The following ARAP2 variants were observed in gnomAD, a reference collection of about 807,000 sequenced individuals.
ARAP2 encodes the protein arf-GAP with Rho-GAP domain, ANK repeat and PH domain-containing protein 2.
ARAP2 carries 148 observed loss-of-function variants against 194.5 expected under a neutral mutation model. That is an observed-to-expected ratio of 0.76 (90% CI 0.67 to 0.87). The LOEUF is 0.87. ARAP2 is among the 40% of genes least tolerant of loss of function. ARAP2 has a pLI of 0.00. For synonymous variants in ARAP2, 695 were observed against 683.5 expected (o/e 1.02, Z -0.26); for missense variants, 2,128 against 1,989.7 (o/e 1.07, Z -1.32).
intron 4 of ARAP2, 77 bp from the exon 5 acceptor site, chr4:36,212,564 A>C (rs1746997502): frequency 1.1e-6 from 1 of 900,716 alleles, no homozygotes; most frequent in South Asian, 1.6e-5. Context: ...ATGTGTAGCA[A>C]TATTCTACAA....
chr4:36,163,635 C>T (rs56969582), intron 11 of ARAP2, among the ~76,000 whole-genome samples: 111 of 152,108 alleles, frequency 7.3e-4, no homozygotes, highest in African/African-American at 2.5e-3. Context: ...TTTTAGAAAT[C>T]CTGATGGTGG....
Position 36,140,136 on chromosome 4 carries a change from CA to C in ARAP2, c.3264-6748del, listed in dbSNP as rs1560513956. Among the ~76,000 whole-genome samples the C allele has an allele frequency of 9.3e-3, 579 of 62,530 alleles. 2 individuals carry two copies. The highest frequency in any genetic ancestry group is 0.024 in the African/African-American group (551 of 22,894). The allele number at this position is 62,530 out of a possible 152,430, so 41.0% of individuals were successfully genotyped here. A position where few individuals can be genotyped will look rare whatever the true frequency, so the allele number is the denominator to read the frequency against. ...TTTTCTTTAAAAAACAAAACAAAAA[CA>C]ATACACACACACACACACACACACA... On this transcript the variant is annotated intron_variant, in intron 19 of 32. Coordinates refer to ENST00000303965, the MANE Select transcript of ARAP2 (RefSeq NM_015230.4).
At chr4:36,242,101 G>A (rs1753631377) in intron 1 of ARAP2, among the ~76,000 whole-genome samples, 1 of 152,136 alleles carries the variant, frequency 6.6e-6, no homozygotes, top group South Asian at 2.1e-4. Context: ...ATACTTACAA[G>A]TAATAACTAA....
intron 27 of ARAP2, among the ~76,000 whole-genome samples, chr4:36,095,901 C>T (rs1715037465): frequency 6.6e-6 from 1 of 152,096 alleles, no homozygotes; most frequent in South Asian, 2.1e-4. Flanking sequence ...GTAATGACAC[C>T]TATCCGGAAG....
At chr4:36,081,152 C>T (rs935702128) in intron 30 of ARAP2, among the ~76,000 whole-genome samples, 18 of 152,098 alleles carry the variant, frequency 1.2e-4, no homozygotes, top group Non-Finnish European at 2.2e-4. Context: ...TTACCATGTC[C>T]AGGCCACAAA....
intron 19 of ARAP2, among the ~76,000 whole-genome samples, chr4:36,141,930 T>C (rs1001109575): frequency 4.6e-5 from 7 of 151,672 alleles, no homozygotes; most frequent in Admixed American, 2.6e-4. Context: ...AAAGGGCTAA[T>C]AGATCAAAAG....
intron 15 of ARAP2, among the ~76,000 whole-genome samples, chr4:36,151,843 G>T (rs1444125522): frequency 6.7e-6 from 1 of 150,114 alleles, no homozygotes; most frequent in Non-Finnish European, 1.5e-5. Context: ...CACATACTCA[G>T]AAAGAAAAAT....
intron 11 of ARAP2, among the ~76,000 whole-genome samples, chr4:36,161,861 C>A (rs913912849): frequency 4.7e-5 from 7 of 149,110 alleles, no homozygotes; most frequent in Admixed American, 1.3e-4. Context: ...GTAATCCCAG[C>A]ACTTTGGAAG....
intron 6 of ARAP2, 23 bp downstream of exon 6, chr4:36,210,367 G>A: frequency 1.3e-6 from 2 of 1,545,178 alleles, no homozygotes; most frequent in South Asian, 2.5e-5. Flanking sequence ...TGCCACTTAT[G>A]AAATAAATGC....
chr4:36,131,279 C>T (rs917697288), intron 20 of ARAP2, among the ~76,000 whole-genome samples: 1 of 150,692 alleles, frequency 6.6e-6, no homozygotes, highest in African/African-American at 2.4e-5. Context: ...TATAGTAGTG[C>T]CCAATATGTG....
At chr4:36,036,872 A>G (rs1720021098) in intron 5 of ARAP2, among the ~76,000 whole-genome samples, 1 of 152,268 alleles carries the variant, frequency 6.6e-6, no homozygotes, top group Non-Finnish European at 1.5e-5. Flanking sequence ...ACTCTTTGTA[A>G]TGATCTAAAA....
chr4:36,081,151 C>T (rs1211622076), intron 30 of ARAP2, among the ~76,000 whole-genome samples: 1 of 152,080 alleles, frequency 6.6e-6, no homozygotes, highest in Non-Finnish European at 1.5e-5. Context: ...ATTACCATGT[C>T]CAGGCCACAA....
intron 27 of ARAP2, among the ~76,000 whole-genome samples, chr4:36,102,879 T>C (rs775742853): frequency 5.3e-5 from 8 of 151,870 alleles, no homozygotes; most frequent in Non-Finnish European, 1.0e-4. Flanking sequence ...TTAGAAAATG[T>C]CAGGAAATTG....
At chr4:36,025,796 A>C (rs1717802700) in intron 5 of ARAP2, among the ~76,000 whole-genome samples, 1 of 152,166 alleles carries the variant, frequency 6.6e-6, no homozygotes, top group Admixed American at 6.6e-5. Flanking sequence ...AAAATCAAAA[A>C]ATGATCATTA....
At position 36,147,552 on chromosome 4, in the gene ARAP2, C is replaced by T. The variant is rs757837970; in HGVS notation, c.3195G>A (p.Glu1065=). ...GDRMHLRRLQ[E]LTISTMVQNG... ...AGGGAAGAAAAAAGCTCTTACTTAG[C>T]TCTTGCAGTCTTCTTAAGTGCATTC... The change falls in exon 18 of 33, where the codon GAG becomes GAA. Residue 1065 remains glutamate, a synonymous_variant. Coordinates refer to ENST00000303965, the MANE Select transcript of ARAP2 (RefSeq NM_015230.4). 10 of 1,608,532 alleles carry T rather than the reference C, an allele frequency of 6.2e-6. No individual in the cohort carries two copies. Among genetic ancestry groups the T allele is most frequent in the Non-Finnish European group, 8.5e-6 (10 of 1,178,354 alleles).
At chr4:36,212,087 T>TAACCTCCTTTTTA (rs11270916) in intron 5 of ARAP2, among the ~76,000 whole-genome samples, 1 of 150,144 alleles carries the variant, frequency 6.7e-6, no homozygotes, top group African/African-American at 2.4e-5. Context: ...CTCCTTTTTA[T>TAACCTCCTTTTTA]TAACATAACC....
At chr4:36,078,793 C>T (rs1728818553) in intron 31 of ARAP2, among the ~76,000 whole-genome samples, 1 of 152,104 alleles carries the variant, frequency 6.6e-6, no homozygotes, top group South Asian at 2.1e-4. Context: ...TTTAGTTGTG[C>T]CACAAATGAC....
chr4:36,049,152 A>T (rs2070906877), intron 3 of ARAP2, among the ~76,000 whole-genome samples: 1 of 152,102 alleles, frequency 6.6e-6, no homozygotes, highest in African/African-American at 2.4e-5. Flanking sequence ...TGTAAAAAAA[A>T]AAGTCTTTGA....
intron 2 of ARAP2, among the ~76,000 whole-genome samples, chr4:36,222,999 C>T (rs75347009): frequency 0.011 from 1,701 of 151,984 alleles, 31 homozygotes; most frequent in East Asian, 0.086. Context: ...TCCTTTTTCC[C>T]TTCCCCTCAG....
Sources: allele counts gnomAD v4.1 joint callset (sites outside exome capture counted in the v4.1 genomes callset), GRCh38; gene constraint gnomAD v4.1.1; transcripts MANE v1.5; gene names NCBI Gene and HGNC (gene_info 2026-07-23, HGNC 2026-07-21).